Variants in WDR20 observed in about 807,000 individuals in gnomAD.
WDR20 encodes the protein WD repeat-containing protein 20.
A neutral mutation model predicts 38.7 loss-of-function variants in WDR20; 3 were observed. The observed-to-expected ratio is 0.08, with a 90% confidence interval of 0.04 to 0.20. The LOEUF is 0.20. Ranked by LOEUF, WDR20 falls within the 10% of genes least tolerant of loss-of-function variation. The probability of loss-of-function intolerance (pLI) is 1.00; values close to 1 mark genes in which losing one functional copy is unlikely to be tolerated. For synonymous variants in WDR20, 298 were observed against 285.6 expected (o/e 1.04, Z -0.44); for missense variants, 559 against 727.7 (o/e 0.77, Z 2.67).
At position 102,144,024 on chromosome 14, in the gene WDR20, T is replaced by TAACA. The variant is rs112135877; in HGVS notation, c.249+3854_249+3855insCAAA. On this transcript the variant is annotated intron_variant, in intron 1 of 2. Coordinates refer to ENST00000342702, the MANE Select transcript of WDR20 (RefSeq NM_144574.4). ...ATACCCTGTGTCCACAAAAAAATAATAAAAAAAAAATTAGCTGGCCATGGT... is the reference window on the plus strand; with the variant it reads ...ATACCCTGTGTCCACAAAAAAATAATAACAAAAAAAAAAATTAGCTGGCCATGGT... Among the ~76,000 whole-genome samples the TAACA allele has an allele frequency of 7.3e-5, 11 of 149,768 alleles. No homozygotes were observed. In the South Asian group the frequency reaches 8.4e-4, roughly 11 times the overall value.
intron 1 of WDR20, among the ~76,000 whole-genome samples, chr14:102,186,937 G>A (rs933362188): frequency 2.7e-5 from 4 of 147,412 alleles, no homozygotes; most frequent in African/African-American, 5.3e-5. Context: ...GGGACAGAAC[G>A]AGACTCTGTC....
intron 1 of WDR20, among the ~76,000 whole-genome samples, chr14:102,186,974 A>G (rs902471251): frequency 6.6e-6 from 1 of 151,972 alleles, no homozygotes; most frequent in Non-Finnish European, 1.5e-5. Flanking sequence ...AGTTCCACCA[A>G]GAAAACCTGC....
chr14:102,196,378 A>T (rs1345328341), intron 2 of WDR20, among the ~76,000 whole-genome samples: 1 of 152,158 alleles, frequency 6.6e-6, no homozygotes, highest in Non-Finnish European at 1.5e-5. Context: ...TTTTAGTATC[A>T]TCTGCAGAAG....
chr14:102,164,390 TGTCCACCCTACTAATCTCCTCTA>T (rs1183430537), intron 1 of WDR20, among the ~76,000 whole-genome samples: 1 of 152,166 alleles, frequency 6.6e-6, no homozygotes, highest in Non-Finnish European at 1.5e-5. Context: ...TTGGCTTCCA[TGTCCACCCTACTAATCTCCTCTA>T]GTCCACCTCT....
intron 1 of WDR20, among the ~76,000 whole-genome samples, chr14:102,140,982 CTGCTTTAAAGG>C (rs2050865766): frequency 6.6e-6 from 1 of 152,160 alleles, no homozygotes; most frequent in Non-Finnish European, 1.5e-5. Flanking sequence ...GCTTTAAAAG[CTGCTTTAAAGG>C]GACCATCCTT....
chr14:102,224,471 AT>A (rs1032943417), downstream of WDR20: 3 of 411,622 alleles, frequency 7.3e-6, no homozygotes, highest in South Asian at 3.5e-5. Context: ...ATGTTTATTT[AT>A]TTTTTTAAAA....
intron 1 of WDR20, among the ~76,000 whole-genome samples, chr14:102,185,588 T>C (rs2064463346): frequency 6.6e-6 from 1 of 151,978 alleles, no homozygotes. Flanking sequence ...AAAATGGGAG[T>C]GGCAGTTGTA....
At chr14:102,191,952 G>C (rs140324463) in intron 1 of WDR20, among the ~76,000 whole-genome samples, 1 of 152,260 alleles carries the variant, frequency 6.6e-6, no homozygotes, top group Admixed American at 6.5e-5. Flanking sequence ...AAGACATACA[G>C]AATATAAACT....
At chr14:102,205,148 A>G (rs561593706) in intron 2 of WDR20, among the ~76,000 whole-genome samples, 2 of 152,212 alleles carry the variant, frequency 1.3e-5, no homozygotes, top group South Asian at 2.1e-4. Flanking sequence ...AGCACCAGCT[A>G]TACTCAGGAG....
upstream of WDR20, chr14:102,139,601 T>C: frequency 3.0e-6 from 2 of 674,486 alleles, no homozygotes; most frequent in South Asian, 4.0e-5. Context: ...CCGCTGGCCC[T>C]GGCGGCTGCG....
intron 1 of WDR20, among the ~76,000 whole-genome samples, chr14:102,156,591 C>G (rs949080344): frequency 6.6e-6 from 1 of 151,896 alleles, no homozygotes; most frequent in Non-Finnish European, 1.5e-5. Flanking sequence ...TCACTGCAGC[C>G]TTGACTTCCT....
chr14:102,194,182 A>G (rs980046809), intron 1 of WDR20, among the ~76,000 whole-genome samples: 3 of 152,210 alleles, frequency 2.0e-5, no homozygotes, highest in African/African-American at 7.2e-5. Context: ...AATGGGTAAA[A>G]TATTGTCCAC....
At chr14:102,195,943 T>A (rs1456094647) in intron 2 of WDR20, 1 of 152,260 alleles carries the variant, frequency 6.6e-6, no homozygotes, top group African/African-American at 2.4e-5. Context: ...TTCCAATCTC[T>A]ACTTGGGACC....
At chr14:102,173,550 C>A (rs1161240280) in intron 1 of WDR20, among the ~76,000 whole-genome samples, 1 of 150,202 alleles carries the variant, frequency 6.7e-6, no homozygotes, top group Non-Finnish European at 1.5e-5. Context: ...TGGTGATTTC[C>A]TAGATTTTGG....
chr14:102,204,151 C>G (rs1416543803), intron 2 of WDR20, among the ~76,000 whole-genome samples: 1 of 152,136 alleles, frequency 6.6e-6, no homozygotes, highest in Non-Finnish European at 1.5e-5. Flanking sequence ...GAACGGGAGA[C>G]AGCATGCTCG....
At chr14:102,217,013 G>A (rs181134518), downstream of WDR20, among the ~76,000 whole-genome samples, 4 of 152,322 alleles carry the variant, frequency 2.6e-5, no homozygotes, top group African/African-American at 7.2e-5. Context: ...CTCTGGAGAC[G>A]AATGGACCAT....
Position 102,221,832 on chromosome 14 carries a change from A to G in WDR20, c.1693-998A>G, listed in dbSNP as rs924575912. On this transcript the variant is annotated intron_variant, in intron 3 of 3. Coordinates refer to the WDR20 transcript ENST00000335263. The surrounding 1 kb of genome is among the most constrained non-coding windows in gnomAD (Gnocchi z 4.8). ...CTTGAGTTAAAGGCTTGTCATTTGT[A>G]AACAGTACTCATCAGCTGAAGCCTT... Among the ~76,000 whole-genome samples the G allele has an allele frequency of 1.3e-5, 2 of 152,168 alleles. No homozygotes were observed. Among genetic ancestry groups the G allele is most frequent in the African/African-American group, 4.8e-5 (2 of 41,434 alleles).
rs1275612523 is a variant in WDR20 at position 102,221,046 on chromosome 14, GT to G, written c.1693-1779del. Among the ~76,000 whole-genome samples the G allele has an allele frequency of 6.6e-6, 1 of 152,212 alleles. No individual in the cohort carries two copies. Among genetic ancestry groups the G allele is most frequent in the East Asian group, 1.9e-4 (1 of 5,192 alleles). On this transcript the variant is annotated intron_variant, in intron 3 of 3. Transcript: ENST00000335263. This position sits in a 1 kb window ranked among gnomAD's most constrained non-coding sequence, Gnocchi z 4.8. ...CCTCCCACAGGGCTGGCTGTCACTT[GT>G]TTTTAAGTTGTTAAACGTGCTCCCG...
chr14:102,202,690 T>G (rs1295105724), intron 2 of WDR20, among the ~76,000 whole-genome samples: 3 of 151,720 alleles, frequency 2.0e-5, no homozygotes, highest in Non-Finnish European at 2.9e-5. Context: ...TGTACGGAGG[T>G]TTTTTTCAGA....
Sources: gnomAD v4.1 joint callset for allele counts (sites outside exome capture counted in the v4.1 genomes callset) on GRCh38, gnomAD v4.1.1 for gene constraint, Gnocchi (gnomAD v3.1) non-coding constraint, MANE v1.5 for transcripts, NCBI Gene and HGNC (gene_info 2026-07-23, HGNC 2026-07-21) for gene names.